AFF3: variants seen among roughly 807,000 people sequenced by gnomAD.
The protein encoded by AFF3 is AF4/FMR2 family member 3.
AFF3 carries 32 observed loss-of-function variants against 129.7 expected under a neutral mutation model. The ratio of observed to expected loss-of-function variants is 0.25; its 90% CI spans 0.19 to 0.33. The LOEUF is 0.33. AFF3 is among the 10% of genes least tolerant of loss of function. The probability of loss-of-function intolerance (pLI) is 1.00; values close to 1 mark genes in which losing one functional copy is unlikely to be tolerated. For synonymous variants in AFF3, 644 were observed against 635.4 expected, an observed-to-expected ratio of 1.01 and a Z score of -0.20; for missense variants, 1,373 against 1,592.0, an observed-to-expected ratio of 0.86 and a Z score of 2.34.
chr2:100,104,905 G>A (rs1691148933), intron 3 of AFF3: 6 of 199,034 alleles, frequency 3.0e-5, no homozygotes, highest in Admixed American at 2.8e-4. Flanking sequence ...CGCGCGCACC[G>A]TGAGCCCCGC....
At chr2:99,833,891 C>T (rs1312420455) in intron 8 of AFF3, among the ~76,000 whole-genome samples, 2 of 152,110 alleles carry the variant, frequency 1.3e-5, no homozygotes, top group African/African-American at 4.8e-5. Flanking sequence ...GAGAATTTTG[C>T]AATAACACAC....
intron 11 of AFF3, among the ~76,000 whole-genome samples, chr2:99,705,021 G>A (rs1677221689): frequency 6.6e-6 from 1 of 152,176 alleles, no homozygotes; most frequent in Non-Finnish European, 1.5e-5. Context: ...ACAGACCCAA[G>A]GCTGAACCCT....
chr2:99,713,609 C>T (rs564951642), intron 11 of AFF3, among the ~76,000 whole-genome samples: 27 of 151,882 alleles, frequency 1.8e-4, no homozygotes, highest in Non-Finnish European at 2.8e-4. Flanking sequence ...GATAACCCCC[C>T]GAGGAAAGGT....
intron 8 of AFF3, among the ~76,000 whole-genome samples, chr2:99,772,716 T>C (rs1361756356): frequency 6.6e-6 from 1 of 152,192 alleles, no homozygotes; most frequent in Non-Finnish European, 1.5e-5. Context: ...CTCAAATTGC[T>C]TCCCAACCCT....
rs143848710 is a variant in AFF3 at position 99,829,107 on chromosome 2, C to T, written c.921+8370G>A. On this transcript the variant is annotated intron_variant, in intron 8 of 24. Transcript: ENST00000672756. ...CACATTTCTGATCACAAAAACATCA[C>T]CGAACTTCTCCATAAGGTCCAAACA... Among the ~76,000 whole-genome samples, 485 of 152,220 alleles carry T rather than the reference C, an allele frequency of 3.2e-3. 2 individuals carry two copies. Among genetic ancestry groups the T allele is most frequent in the African/African-American group, 0.011 (461 of 41,526 alleles).
rs1279601116 is a variant in AFF3, at chr2:99,826,876, A to G, written c.921+10601T>C. Among the ~76,000 whole-genome samples, 3 of 151,642 alleles carry G rather than the reference A, an allele frequency of 2.0e-5. 1 individual carries two copies. Among genetic ancestry groups the G allele is most frequent in the African/African-American group, 7.3e-5 (3 of 41,236 alleles). Reference sequence around the variant, plus strand: ...GACTAGTGGGAGGCAGAGGGCTGGCAAGCAGGTCTCTGGAGTCATGTAGGA... The same window carrying G: ...GACTAGTGGGAGGCAGAGGGCTGGCGAGCAGGTCTCTGGAGTCATGTAGGA... On this transcript the variant is annotated intron_variant, in intron 8 of 24. Transcript: ENST00000672756.
At chr2:99,579,113 A>C in intron 17 of AFF3, among the ~76,000 whole-genome samples, 1 of 152,216 alleles carries the variant, frequency 6.6e-6, no homozygotes, top group East Asian at 1.9e-4. Context: ...GAATTACTTA[A>C]AAAATAAATC....
intron 7 of AFF3, among the ~76,000 whole-genome samples, chr2:99,906,104 T>G (rs1216673832): frequency 6.6e-6 from 1 of 152,218 alleles, no homozygotes; most frequent in Non-Finnish European, 1.5e-5. Flanking sequence ...CATTCTTACA[T>G]TTCTGGACGC....
intron 13 of AFF3, among the ~76,000 whole-genome samples, chr2:99,646,141 G>C (rs926936533): frequency 6.6e-6 from 1 of 152,188 alleles, no homozygotes. Context: ...ATGAAATCCT[G>C]TTTCATCATC....
At chr2:99,610,150 T>A (rs1480079585) in intron 13 of AFF3, among the ~76,000 whole-genome samples, 1 of 152,214 alleles carries the variant, frequency 6.6e-6, no homozygotes, top group African/African-American at 2.4e-5. Context: ...ACACAAAGCC[T>A]GTTGGTGGTC....
intron 8 of AFF3, among the ~76,000 whole-genome samples, chr2:99,778,463 C>T (rs1684117919): frequency 6.6e-6 from 1 of 152,164 alleles, no homozygotes; most frequent in African/African-American, 2.4e-5. Context: ...CAGCAGGATG[C>T]CACCCAACTC....
chr2:99,558,804 A>G, intron 22 of AFF3, 71 bp downstream of exon 22: 1 of 1,446,206 alleles, frequency 6.9e-7, no homozygotes, highest in Non-Finnish European at 9.7e-7. Context: ...GGAGTCTACC[A>G]GGTGCTTCAC....
intron 7 of AFF3, among the ~76,000 whole-genome samples, chr2:99,944,194 C>T (rs1404501773): frequency 6.6e-6 from 1 of 152,216 alleles, no homozygotes; most frequent in African/African-American, 2.4e-5. Flanking sequence ...AAGCACTGCA[C>T]CCGGCTCTAC....
At chr2:99,673,714 T>C (rs1687370980) in intron 11 of AFF3, among the ~76,000 whole-genome samples, 1 of 152,180 alleles carries the variant, frequency 6.6e-6, no homozygotes, top group African/African-American at 2.4e-5. Flanking sequence ...AAAATGTACC[T>C]AGTGTCCTTT....
At chr2:99,747,146 A>T (rs985014482) in intron 9 of AFF3, among the ~76,000 whole-genome samples, 2 of 151,072 alleles carry the variant, frequency 1.3e-5, no homozygotes, top group African/African-American at 4.9e-5. Flanking sequence ...CTTTTGCCTC[A>T]GCATCCCGAG....
chr2:99,969,458 C>T (rs533236401), intron 7 of AFF3, among the ~76,000 whole-genome samples: 64 of 148,444 alleles, frequency 4.3e-4, no homozygotes, highest in African/African-American at 1.4e-3. Flanking sequence ...ATCATTTAGA[C>T]ACAAATTTTA....
At chr2:99,595,852 C>T (rs893313399) in intron 14 of AFF3, among the ~76,000 whole-genome samples, 4 of 152,214 alleles carry the variant, frequency 2.6e-5, no homozygotes, top group African/African-American at 9.6e-5. Flanking sequence ...GATCAGGCAA[C>T]CAGAGCTATG....
intron 7 of AFF3, among the ~76,000 whole-genome samples, chr2:99,847,915 A>G (rs1327990977): frequency 3.3e-5 from 5 of 152,158 alleles, no homozygotes; most frequent in Non-Finnish European, 7.3e-5. Context: ...CCACACTATT[A>G]TTATAAAACT....
At chr2:99,892,650 G>A (rs753099190) in intron 7 of AFF3, among the ~76,000 whole-genome samples, 3 of 152,064 alleles carry the variant, frequency 2.0e-5, no homozygotes, top group Admixed American at 1.3e-4. Flanking sequence ...CCTTCTACTC[G>A]CATTCCCTCC....
Sources: allele counts gnomAD v4.1 joint callset (sites outside exome capture counted in the v4.1 genomes callset), GRCh38; gene constraint gnomAD v4.1.1; transcripts MANE v1.5; gene names NCBI Gene and HGNC (gene_info 2026-07-23, HGNC 2026-07-21).